BAIAP2: variants seen among roughly 807,000 people sequenced by gnomAD.
The protein encoded by BAIAP2 is BAR/IMD domain containing adaptor protein 2.
In BAIAP2, 18 loss-of-function variants were observed where a neutral mutation model predicts 63.0. The ratio of observed to expected loss-of-function variants is 0.29; its 90% CI spans 0.20 to 0.42. BAIAP2 has a LOEUF of 0.42. Ranked by LOEUF, BAIAP2 falls within the 10% of genes least tolerant of loss-of-function variation. The pLI is 1.00. For synonymous variants in BAIAP2, 386 were observed against 307.6 expected (o/e 1.25, Z -2.67); for missense variants, 610 against 734.3 (o/e 0.83, Z 1.96).
In BAIAP2 at chr17:81,115,793, T is replaced by C. The variant is rs369284270; in HGVS notation, c.1559T>C (p.Leu520Pro). Residue 520 changes from leucine to proline, a missense_variant, in exon 14 of 14, where the codon CTG (leucine) becomes CCG (proline). Leu to Pro is a moderately conservative substitution (Grantham distance 98). Around this residue, in one of 5 missense-constraint regions of BAIAP2, gnomAD observed 114 missense variants for 98.2 expected, o/e 1.16. Transcript: ENST00000428708. Reference sequence around the variant, plus strand: ...AGGAATCCCTTTGCCCACGTCCAGCTGAAGCCGACAGTGACCAACGACAGG... The same window carrying C: ...AGGAATCCCTTTGCCCACGTCCAGCCGAAGCCGACAGTGACCAACGACAGG... ...MSRNPFAHVQ[L>P]KPTVTNDRSA... is the part of the protein sequence containing the mutation. 3.1e-6 allele frequency: 5 copies of C among 1,613,514 alleles called. No homozygotes were observed. The highest frequency in any genetic ancestry group is 4.2e-6 in the Non-Finnish European group (5 of 1,180,020).
chr17:81,092,189 CATG>C (rs2056885710), intron 6 of BAIAP2, among the ~76,000 whole-genome samples: 2 of 152,372 alleles, frequency 1.3e-5, no homozygotes, highest in Non-Finnish European at 2.9e-5. Flanking sequence ...ACCTGAGCTG[CATG>C]TATGCGGAGC....
At chr17:81,082,070 CGGGGCCAGCGTGGTCCT>C (rs2054708759) in intron 3 of BAIAP2, among the ~76,000 whole-genome samples, 1 of 152,026 alleles carries the variant, frequency 6.6e-6, no homozygotes, top group Non-Finnish European at 1.5e-5. Flanking sequence ...CTCCTGGCCC[CGGGGCCAGCGTGGTCCT>C]GGAGACTGAT....
intron 13 of BAIAP2, chr17:81,110,655 A>G (rs1300020113): frequency 7.5e-7 from 1 of 1,331,784 alleles, no homozygotes; most frequent in South Asian, 1.7e-5. Flanking sequence ...TGCTGGCCCC[A>G]GTGACAGTCG....
intron 13 of BAIAP2, among the ~76,000 whole-genome samples, chr17:81,111,516 A>C (rs902122118): frequency 1.3e-5 from 2 of 152,192 alleles, no homozygotes; most frequent in African/African-American, 2.4e-5. Flanking sequence ...CCCAAGCCCC[A>C]CAACGTGGAC....
intron 3 of BAIAP2, among the ~76,000 whole-genome samples, chr17:81,079,959 G>A (rs1316191984): frequency 6.6e-6 from 1 of 152,130 alleles, no homozygotes; most frequent in African/African-American, 2.4e-5. Context: ...AGAGATGAGG[G>A]AGCCCGAGAA....
At chr17:81,068,872 C>G (rs2052016913) in intron 3 of BAIAP2, among the ~76,000 whole-genome samples, 1 of 152,318 alleles carries the variant, frequency 6.6e-6, no homozygotes, top group African/African-American at 2.4e-5. Flanking sequence ...GTTCCCTTGC[C>G]CACAGTGTCT....
At chr17:81,103,271 T>A (rs1333455776) in intron 7 of BAIAP2, among the ~76,000 whole-genome samples, 1 of 152,248 alleles carries the variant, frequency 6.6e-6, no homozygotes, top group Admixed American at 6.5e-5. Context: ...CTCTCATCCC[T>A]GGAGGTCCCC....
chr17:81,057,973 A>ACACCCCCCCCCCCCCCCCCCCCCCCCC lies in BAIAP2; in HGVS notation c.217+7_217+8insACCCCCCCCCCCCCCCCCCCCCCCCCC. On this transcript the variant is annotated splice_region_variant and intron_variant, in intron 3 of 13. Coordinates refer to ENST00000428708, the MANE Select transcript of BAIAP2 (RefSeq NM_001144888.2). Reference sequence around the variant, plus strand: ...CCAGGGCTCCAAAGAACTCGGTGAGACCCCCCCCCCCCCCCCGCCTGGTAG... The same window carrying ACACCCCCCCCCCCCCCCCCCCCCCCCC: ...CCAGGGCTCCAAAGAACTCGGTGAGACACCCCCCCCCCCCCCCCCCCCCCCCCCCCCCCCCCCCCCCCCGCCTGGTAG... 1 of 764,944 alleles carries ACACCCCCCCCCCCCCCCCCCCCCCCCC rather than the reference A, an allele frequency of 1.3e-6. No individual in the cohort carries two copies. The highest frequency in any genetic ancestry group is 1.7e-6 in the Non-Finnish European group (1 of 586,534). 47.4% of individuals were successfully genotyped at this position (764,944 alleles called of 1,614,324 possible). A position where few individuals can be genotyped will look rare whatever the true frequency, so the allele number is the denominator to read the frequency against.
At chr17:81,064,301 C>T (rs1031826224) in intron 3 of BAIAP2, among the ~76,000 whole-genome samples, 3 of 152,230 alleles carry the variant, frequency 2.0e-5, no homozygotes, top group Admixed American at 6.5e-5. Context: ...GAGGTGGCCT[C>T]GGGCTATGTA....
At chr17:81,086,695 G>GGC (rs1206862011) in intron 6 of BAIAP2, 115 bp downstream of exon 6, 11 of 1,245,552 alleles carry the variant, frequency 8.8e-6, no homozygotes, top group Admixed American at 6.2e-5. Flanking sequence ...ATCAGACAGA[G>GGC]GCAGGCTGTG....
At chr17:81,074,471 C>G (rs1341551735) in intron 3 of BAIAP2, among the ~76,000 whole-genome samples, 2 of 149,164 alleles carry the variant, frequency 1.3e-5, no homozygotes, top group Non-Finnish European at 3.0e-5. Flanking sequence ...TGTGTGCATG[C>G]ACGGATACAT....
rs1018099684 is a variant in BAIAP2, at chr17:81,066,926, C to T, written c.217+8959C>T. ...CATGACACCTGCTTTCAGGCCCTCA[C>T]GGCAGGGCCTTGCCTTGTAGGCTGC... is the stretch of plus-strand genomic sequence containing the variant. On this transcript the variant is annotated intron_variant, in intron 3 of 13. Coordinates refer to ENST00000428708, the MANE Select transcript of BAIAP2 (RefSeq NM_001144888.2). 4.6e-5 allele frequency among the ~76,000 whole-genome samples: 7 copies of T among 152,352 alleles called. No homozygotes were observed. The South Asian group carries it at 1.0e-3, about 23-fold the overall frequency.
chr17:81,106,883 TGTGGCC>T lies in BAIAP2; in HGVS notation c.1480_1485del (p.Ala494_Val495del). 1 of 1,583,230 alleles carries T rather than the reference TGTGGCC, an allele frequency of 6.3e-7. No individual in the cohort carries two copies. Among genetic ancestry groups the T allele is most frequent in the Non-Finnish European group, 8.6e-7 (1 of 1,165,126 alleles). Reference sequence around the variant, plus strand: ...GCGGCTTCAAGCAGAGGCCCTACAGTGTGGCCGTGCCCGCCTTCTCCCAGGTCAGTG... The same window carrying T: ...GCGGCTTCAAGCAGAGGCCCTACAGTGTGCCCGCCTTCTCCCAGGTCAGTG... On this transcript the variant is annotated inframe_deletion, in exon 12 of 14. Transcript: ENST00000428708.
chr17:81,051,447 T>G (rs1264281762), intron 1 of BAIAP2, among the ~76,000 whole-genome samples: 1 of 152,224 alleles, frequency 6.6e-6, no homozygotes, highest in East Asian at 1.9e-4. Context: ...GTTGCCAGGC[T>G]GGAGTGCAGT....
At chr17:81,094,598 G>A (rs971690104) in intron 6 of BAIAP2, among the ~76,000 whole-genome samples, 6 of 152,300 alleles carry the variant, frequency 3.9e-5, no homozygotes, top group East Asian at 3.9e-4. Flanking sequence ...CTCAGAGCAC[G>A]TGTGTTCAGC....
At chr17:81,062,912 TCCCCCCCG>T (rs1555661220) in intron 3 of BAIAP2, among the ~76,000 whole-genome samples, 1 of 132,562 alleles carries the variant, frequency 7.5e-6, no homozygotes, top group East Asian at 2.6e-4. Context: ...GAGTGTTACT[TCCCCCCCG>T]CCCCCCCGCC....
intron 3 of BAIAP2, among the ~76,000 whole-genome samples, chr17:81,060,546 C>A (rs970210984): frequency 3.3e-5 from 5 of 152,292 alleles, no homozygotes; most frequent in African/African-American, 1.2e-4. Flanking sequence ...TGTGGCTGAA[C>A]GATGATCCAT....
intron 5 of BAIAP2, 114 bp from the exon 6 acceptor site, chr17:81,086,329 G>A: frequency 1.5e-6 from 2 of 1,291,670 alleles, no homozygotes; most frequent in East Asian, 2.3e-5. Context: ...GAGTGGCAGG[G>A]CTGGCAAGGG....
intron 3 of BAIAP2, among the ~76,000 whole-genome samples, chr17:81,066,977 G>A (rs2051589610): frequency 6.6e-6 from 1 of 152,218 alleles, no homozygotes; most frequent in Non-Finnish European, 1.5e-5. Context: ...GACACCATTT[G>A]AAGGCCTTAA....
Sources: gnomAD v4.1 joint callset for allele counts (sites outside exome capture counted in the v4.1 genomes callset) on GRCh38, gnomAD v4.1.1 for gene constraint, gnomAD v4.1.1 regional missense constraint, MANE v1.5 for transcripts, NCBI Gene and HGNC (gene_info 2026-07-23, HGNC 2026-07-21) for gene names.